ANKRD28: variants seen among roughly 807,000 people sequenced by gnomAD.
ANKRD28 encodes serine/threonine-protein phosphatase 6 regulatory ankyrin repeat subunit A.
In ANKRD28, 44 loss-of-function variants were observed where a neutral mutation model predicts 126.5. That is an observed-to-expected ratio of 0.35 (90% CI 0.27 to 0.45). The LOEUF (loss-of-function observed/expected upper bound fraction) is 0.45, where lower values mean the gene tolerates loss of function less well. ANKRD28 is among the 20% of genes least tolerant of loss of function. The probability of loss-of-function intolerance (pLI) is 1.00; values close to 1 mark genes in which losing one functional copy is unlikely to be tolerated. For missense variants in ANKRD28, 1,110 were observed against 1,316.6 expected (o/e 0.84, Z 2.43); for synonymous variants, 442 against 468.5 (o/e 0.94, Z 0.73).
chr3:15,782,115 T>C (rs2059566961), intron 2 of ANKRD28, among the ~76,000 whole-genome samples: 1 of 152,124 alleles, frequency 6.6e-6, no homozygotes, highest in Admixed American at 6.6e-5. Context: ...CATTGGAATA[T>C]GTAAGATTTT....
intron 1 of ANKRD28, among the ~76,000 whole-genome samples, chr3:15,810,031 C>G (rs1054291655): frequency 2.0e-5 from 3 of 152,000 alleles, no homozygotes; most frequent in Non-Finnish European, 4.4e-5. Context: ...TAGACAGCAG[C>G]GAGATCATGA....
intron 14 of ANKRD28, among the ~76,000 whole-genome samples, chr3:15,698,922 C>T (rs977861436): frequency 7.4e-4 from 113 of 152,252 alleles, no homozygotes; most frequent in Non-Finnish European, 1.2e-3. Context: ...AAAAAGAGCC[C>T]GCATTGCCAA....
At chr3:15,801,717 C>A (rs1180647964), upstream of ANKRD28, among the ~76,000 whole-genome samples, 1 of 152,084 alleles carries the variant, frequency 6.6e-6, no homozygotes, top group East Asian at 1.9e-4. This position sits in a 1 kb window ranked among gnomAD's most constrained non-coding sequence, Gnocchi z 4.9. Flanking sequence ...AGGCCAGAAT[C>A]CATGCAATTA....
chr3:15,836,405 AG>A (rs774332142), intron 1 of ANKRD28, among the ~76,000 whole-genome samples: 2 of 152,120 alleles, frequency 1.3e-5, no homozygotes, highest in Non-Finnish European at 2.9e-5. Context: ...AAAATAGAAA[AG>A]GTGATAAAAG....
intron 14 of ANKRD28, 36 bp downstream of exon 14, chr3:15,707,888 A>G: frequency 1.3e-6 from 2 of 1,582,168 alleles, no homozygotes; most frequent in South Asian, 1.1e-5. Flanking sequence ...GTTTATAGAA[A>G]TATTGATCCT....
rs987284328 is a variant in ANKRD28, at chr3:15,846,969, A to T, written c.27+12408T>A. Among the ~76,000 whole-genome samples, 2 of 152,220 alleles carry T rather than the reference A, an allele frequency of 1.3e-5. No individual in the cohort carries two copies. Among genetic ancestry groups the T allele is most frequent in the Non-Finnish European group, 2.9e-5 (2 of 68,036 alleles). On this transcript the variant is annotated intron_variant, in intron 1 of 27. Coordinates refer to the ANKRD28 transcript ENST00000399451. This position sits in a 1 kb window ranked among gnomAD's most constrained non-coding sequence, Gnocchi z 5.4. ...CCCAAACACAAAAGGTCTAGTAAATATAAGTTATCTGGGGCCTGGGAGAAA... is the reference window on the plus strand; with the variant it reads ...CCCAAACACAAAAGGTCTAGTAAATTTAAGTTATCTGGGGCCTGGGAGAAA...
At chr3:15,694,251 A>G (rs968175809) in intron 17 of ANKRD28, among the ~76,000 whole-genome samples, 6 of 152,220 alleles carry the variant, frequency 3.9e-5, no homozygotes, top group African/African-American at 9.6e-5. Flanking sequence ...TGGAAGGGAC[A>G]TAACAGACAA....
chr3:15,788,376 A>C (rs949457564), intron 2 of ANKRD28, among the ~76,000 whole-genome samples: 1 of 152,144 alleles, frequency 6.6e-6, no homozygotes, highest in Non-Finnish European at 1.5e-5. Context: ...TCTCTCAACA[A>C]TATGCTTTAT....
chr3:15,849,597 T>C lies in ANKRD28; in HGVS notation c.27+9780A>G, dbSNP rs958991514. On this transcript the variant is annotated intron_variant, in intron 1 of 27. Transcript: ENST00000399451. Reference sequence around the variant, plus strand: ...ATACCAGGGAGAGAAAAATAACCCTTACTTCCAGAGAGTTGGAATTGGAAG... The same window carrying C: ...ATACCAGGGAGAGAAAAATAACCCTCACTTCCAGAGAGTTGGAATTGGAAG... Among the ~76,000 whole-genome samples the C allele has an allele frequency of 5.3e-5, 8 of 152,324 alleles. No homozygotes were observed. The South Asian group carries it at 1.5e-3, about 28-fold the overall frequency.
intron 2 of ANKRD28, among the ~76,000 whole-genome samples, chr3:15,791,380 G>A (rs980192993): frequency 4.2e-5 from 6 of 141,840 alleles, no homozygotes; most frequent in Admixed American, 2.1e-4. Flanking sequence ...CAGACCTATC[G>A]TAACCAAAAC....
chr3:15,675,396 A>G (rs1442981228), intron 27 of ANKRD28, among the ~76,000 whole-genome samples: 1 of 152,228 alleles, frequency 6.6e-6, no homozygotes, highest in Non-Finnish European at 1.5e-5. Context: ...AGGAGCAGTG[A>G]GATTTATAAA....
In ANKRD28 at chr3:15,845,063, G is replaced by T. The variant is rs1369609888; in HGVS notation, c.27+14314C>A. On this transcript the variant is annotated intron_variant, in intron 1 of 27. Transcript: ENST00000399451. This position sits in a 1 kb window ranked among gnomAD's most constrained non-coding sequence, Gnocchi z 4.9. ...GGTGCTAGGCACTTTTAAACAACCA[G>T]ATCTCACGAGAATGTAGAACAGTAC... 1.3e-5 allele frequency among the ~76,000 whole-genome samples: 2 copies of T among 152,076 alleles called. No individual in the cohort carries two copies. The highest frequency in any genetic ancestry group is 2.9e-5 in the Non-Finnish European group (2 of 68,030).
chr3:15,740,466 G>A (rs1186582966), intron 4 of ANKRD28, among the ~76,000 whole-genome samples: 2 of 152,206 alleles, frequency 1.3e-5, no homozygotes, highest in South Asian at 4.1e-4. Flanking sequence ...CAAGATTCCT[G>A]ATCCTCACCT....
chr3:15,848,068 T>C (rs569312374), intron 1 of ANKRD28, among the ~76,000 whole-genome samples: 3 of 152,338 alleles, frequency 2.0e-5, no homozygotes, highest in South Asian at 2.1e-4. Flanking sequence ...GGTATAGCAC[T>C]TGATGCACAA....
chr3:15,797,618 T>A lies in ANKRD28; in HGVS notation c.-1097A>T, dbSNP rs2060337015. 2.0e-6 allele frequency: 2 copies of A among 985,200 alleles called. No individual in the cohort carries two copies. The highest frequency in any genetic ancestry group is 2.4e-6 in the Non-Finnish European group (2 of 829,894). The allele number at this position is 985,200 out of a possible 1,614,324, so 61.0% of individuals were successfully genotyped here. A position where few individuals can be genotyped will look rare whatever the true frequency, so the allele number is the denominator to read the frequency against. ...TATCATTCCAGTGTTTCCTTTGATC[T>A]CCACATGAATACAGCTTCCATTAAA... On this transcript the variant is annotated 5_prime_UTR_variant, in exon 1 of 28. The change creates a premature stop within an existing upstream ORF in the 5' untranslated region. Transcript: ENST00000683139.
At chr3:15,698,247 G>T (rs1262377766) in intron 14 of ANKRD28, among the ~76,000 whole-genome samples, 2 of 152,084 alleles carry the variant, frequency 1.3e-5, no homozygotes, top group Non-Finnish European at 2.9e-5. Context: ...TCTCAAAATA[G>T]TAAGGGCTAG....
intron 17 of ANKRD28, among the ~76,000 whole-genome samples, chr3:15,691,716 G>A (rs778841902): frequency 3.9e-5 from 6 of 152,198 alleles, no homozygotes; most frequent in Non-Finnish European, 8.8e-5. Flanking sequence ...GTAGGTCACG[G>A]AATTCTACTG....
At chr3:15,705,223 T>C (rs189489470) in intron 14 of ANKRD28, among the ~76,000 whole-genome samples, 45 of 152,310 alleles carry the variant, frequency 3.0e-4, no homozygotes, top group Admixed American at 5.2e-4. Context: ...AGAAAACTAG[T>C]GATTTTAGTA....
chr3:15,823,941 C>G (rs188015507), intron 1 of ANKRD28, among the ~76,000 whole-genome samples: 120 of 150,116 alleles, frequency 8.0e-4, no homozygotes, highest in African/African-American at 2.8e-3. Flanking sequence ...TAAAAACCCA[C>G]AGCTAATATC....
Sources: gnomAD v4.1 joint callset for allele counts (sites outside exome capture counted in the v4.1 genomes callset) on GRCh38, gnomAD v4.1.1 for gene constraint, Gnocchi (gnomAD v3.1) non-coding constraint, MANE v1.5 for transcripts, NCBI Gene and HGNC (gene_info 2026-07-23, HGNC 2026-07-21) for gene names.